Variants in ATF2 observed in about 807,000 individuals in gnomAD.
ATF2 encodes the protein cyclic AMP-dependent transcription factor ATF-2.
ATF2 carries 24 observed loss-of-function variants against 60.6 expected under a neutral mutation model. The ratio of observed to expected loss-of-function variants is 0.40; its 90% CI spans 0.29 to 0.56. The LOEUF is 0.56. Ranked by LOEUF, ATF2 falls within the 20% of genes least tolerant of loss-of-function variation. The pLI, the probability that ATF2 is intolerant of heterozygous loss-of-function variation, is 0.54. For synonymous variants in ATF2, 206 were observed against 215.4 expected, an observed-to-expected ratio of 0.96 and a Z score of 0.38; for missense variants, 433 against 607.7, an observed-to-expected ratio of 0.71 and a Z score of 3.02.
chr2:175,165,601 G>C (rs181017889), intron 1 of ATF2, among the ~76,000 whole-genome samples: 2 of 152,284 alleles, frequency 1.3e-5, no homozygotes, highest in East Asian at 3.9e-4. Context: ...TAGTCATAGA[G>C]CTTTCAGATC....
intron 13 of ATF2, among the ~76,000 whole-genome samples, chr2:175,077,367 C>T (rs1029748626): frequency 1.3e-5 from 2 of 152,130 alleles, no homozygotes; most frequent in Admixed American, 6.6e-5. Flanking sequence ...TCTGAGGAAT[C>T]GCCACACTGA....
chr2:175,125,355 A>G (rs1280860928), intron 4 of ATF2, among the ~76,000 whole-genome samples: 1 of 152,118 alleles, frequency 6.6e-6, no homozygotes. Flanking sequence ...TAGCCAGGTT[A>G]TATTTTGATC....
chr2:175,167,155 G>A (rs949686881), intron 1 of ATF2, among the ~76,000 whole-genome samples: 8 of 151,876 alleles, frequency 5.3e-5, no homozygotes, highest in African/African-American at 1.7e-4. Context: ...ACTACCTAGG[G>A]GCACAAAAAT....
intron 5 of ATF2, 93 bp downstream of exon 5, chr2:175,121,351 C>T: frequency 1.4e-6 from 1 of 722,652 alleles, no homozygotes; most frequent in Non-Finnish European, 2.1e-6. Flanking sequence ...ATTGGAATAT[C>T]ACCAGACTAT....
At chr2:175,132,861 G>A (rs1291009959) in intron 3 of ATF2, 1 of 152,178 alleles carries the variant, frequency 6.6e-6, no homozygotes, top group Non-Finnish European at 1.5e-5. Context: ...TGAGGCAGGT[G>A]GATCACTTAA....
At chr2:175,149,294 C>A (rs1310507387) in intron 2 of ATF2, among the ~76,000 whole-genome samples, 1 of 152,122 alleles carries the variant, frequency 6.6e-6, no homozygotes, top group Non-Finnish European at 1.5e-5. Context: ...GGCGGGGACA[C>A]AAAGAAGACT....
chr2:175,075,065 G>A (rs1693201598), intron 13 of ATF2: 2 of 1,368,500 alleles, frequency 1.5e-6, no homozygotes, highest in African/African-American at 1.5e-5. Context: ...CTGCCTTATG[G>A]AATAGAGCTG....
At chr2:175,114,578 A>T in intron 8 of ATF2, 112 bp downstream of exon 8, 3 of 1,488,776 alleles carry the variant, frequency 2.0e-6, no homozygotes, top group Non-Finnish European at 2.7e-6. Context: ...CGAAGCATGC[A>T]CACACATACA....
chr2:175,097,652 C>A, intron 10 of ATF2, 59 bp from the exon 11 acceptor site: 1 of 1,573,832 alleles, frequency 6.4e-7, no homozygotes, highest in Non-Finnish European at 8.7e-7. Context: ...TCATGAATAT[C>A]AACAAGACAA....
In ATF2 at chr2:175,088,908, G is replaced by A. The variant is rs556560703; in HGVS notation, c.1185+4153C>T. Among the ~76,000 whole-genome samples, 8 of 152,268 alleles carry A rather than the reference G, an allele frequency of 5.3e-5. No homozygotes were observed. In the South Asian group the frequency reaches 1.2e-3, roughly 24 times the overall value. ...TTAAAAATACAGTAATTGGCTGGGT[G>A]CAGTTGCTCATGCCTGTAATCCCAG... On this transcript the variant is annotated intron_variant, in intron 12 of 13. Transcript: ENST00000264110.
chr2:175,102,707 T>C (rs1695389884), intron 10 of ATF2, among the ~76,000 whole-genome samples: 1 of 151,128 alleles, frequency 6.6e-6, no homozygotes. Context: ...AGTTTGAGGC[T>C]GCAGTGAGCT....
intron 10 of ATF2, among the ~76,000 whole-genome samples, chr2:175,111,001 G>A (rs1424380273): frequency 1.3e-5 from 2 of 152,120 alleles, no homozygotes; most frequent in Non-Finnish European, 2.9e-5. Flanking sequence ...AGAAACCAAA[G>A]CTTAATCTTT....
At chr2:175,130,234 A>C (rs1697632836) in intron 3 of ATF2, 27 bp from the exon 4 acceptor site, 1 of 1,372,528 alleles carries the variant, frequency 7.3e-7, no homozygotes, top group Non-Finnish European at 9.8e-7. Flanking sequence ...GACACTTTAG[A>C]GTACATATTT....
chr2:175,094,430 GAA>G (rs1694777416), intron 11 of ATF2, among the ~76,000 whole-genome samples: 1 of 78,580 alleles, frequency 1.3e-5, no homozygotes. Context: ...AAAAAAAAAA[GAA>G]AGAAGAAAAT....
intron 12 of ATF2, among the ~76,000 whole-genome samples, chr2:175,087,794 T>A (rs1694270121): frequency 6.6e-6 from 1 of 152,156 alleles, no homozygotes; most frequent in Non-Finnish European, 1.5e-5. Flanking sequence ...TTTTAAAAAA[T>A]TTATATTTTT....
chr2:175,074,901 G>A, intron 13 of ATF2, 66 bp from the exon 14 acceptor site: 1 of 1,589,064 alleles, frequency 6.3e-7, no homozygotes, highest in Non-Finnish European at 8.6e-7. Flanking sequence ...GTATGCTGAG[G>A]CAATACACAG....
At chr2:175,114,215 A>AT in intron 8 of ATF2, 107 bp from the exon 9 acceptor site, 1 of 1,424,950 alleles carries the variant, frequency 7.0e-7, no homozygotes, top group South Asian at 1.6e-5. Flanking sequence ...TTAAAAATAC[A>AT]TTTTCTAACC....
intron 9 of ATF2, 137 bp downstream of exon 9, chr2:175,113,857 A>T: frequency 1.2e-6 from 1 of 801,910 alleles, no homozygotes; most frequent in South Asian, 1.6e-5. Flanking sequence ...TATTACAATG[A>T]TAACAAATAA....
intron 2 of ATF2, among the ~76,000 whole-genome samples, chr2:175,143,663 T>C (rs1474732392): frequency 6.6e-6 from 1 of 152,234 alleles, no homozygotes; most frequent in African/African-American, 2.4e-5. Flanking sequence ...GATATCATTT[T>C]TTAACATTTT....
Sources: allele counts gnomAD v4.1 joint callset (sites outside exome capture counted in the v4.1 genomes callset), GRCh38; gene constraint gnomAD v4.1.1; transcripts MANE v1.5; gene names NCBI Gene and HGNC (gene_info 2026-07-23, HGNC 2026-07-21).